Variants in FMN2 observed in about 807,000 individuals in gnomAD.
FMN2 encodes the protein formin 2, also known as formin-2.
A neutral mutation model predicts 142.3 loss-of-function variants in FMN2; 51 were observed. The ratio of observed to expected loss-of-function variants is 0.36; its 90% confidence interval spans 0.29 to 0.45. FMN2 has a LOEUF of 0.45. Among genes scored for constraint, FMN2 ranks in the 20% least tolerant of loss-of-function variants. The pLI, the probability that FMN2 is intolerant of heterozygous loss-of-function variation, is 1.00. For missense variants in FMN2, 1,936 were observed against 2,122.8 expected, an observed-to-expected ratio of 0.91 and a Z score of 1.73; for synonymous variants, 882 against 869.8, an observed-to-expected ratio of 1.01 and a Z score of -0.25.
At chr1:240,351,047 A>C (rs377652942) in intron 13 of FMN2, among the ~76,000 whole-genome samples, 2 of 152,170 alleles carry the variant, frequency 1.3e-5, no homozygotes, top group Non-Finnish European at 2.9e-5. Context: ...GTAAATGGAG[A>C]CTGTCTCATA....
At chr1:240,425,920 A>AT (rs1205245975) in intron 15 of FMN2, among the ~76,000 whole-genome samples, 2 of 152,224 alleles carry the variant, frequency 1.3e-5, no homozygotes. Flanking sequence ...TCCCTGATGA[A>AT]TAAGGGCAAA....
chr1:240,278,163 A>G (rs1669280407), intron 7 of FMN2, among the ~76,000 whole-genome samples: 1 of 152,172 alleles, frequency 6.6e-6, no homozygotes, highest in Non-Finnish European at 1.5e-5. Flanking sequence ...TTTCATAACT[A>G]TATAAACAGG....
intron 6 of FMN2, among the ~76,000 whole-genome samples, chr1:240,232,133 G>A (rs923577015): frequency 6.6e-6 from 1 of 151,582 alleles, no homozygotes; most frequent in African/African-American, 2.4e-5. Flanking sequence ...GCAATGATGC[G>A]ATCTCAGCTC....
At chr1:240,349,193 C>G (rs576085002) in intron 13 of FMN2, among the ~76,000 whole-genome samples, 30 of 152,320 alleles carry the variant, frequency 2.0e-4, no homozygotes, top group African/African-American at 7.0e-4. Context: ...AAGCATCTTG[C>G]TGCCTACATT....
In FMN2 at chr1:240,186,994, C is replaced by T. The variant is rs144794746; in HGVS notation, c.1931-1213C>T. Among the ~76,000 whole-genome samples, 502 of 151,744 alleles carry T rather than the reference C, an allele frequency of 3.3e-3. 3 individuals carry two copies. Among genetic ancestry groups the T allele is most frequent in the African/African-American group, 0.012 (480 of 41,352 alleles). On this transcript the variant is annotated intron_variant, in intron 3 of 17. Transcript: ENST00000319653. ...ATAAAGAGTGACTGCTGGCCGAGCA[C>T]GGTGGCTCATGCCTGTCATCCCAGC... is the stretch of plus-strand genomic sequence containing the variant.
At chr1:240,154,021 A>C (rs1224580242) in intron 2 of FMN2, among the ~76,000 whole-genome samples, 1 of 150,146 alleles carries the variant, frequency 6.7e-6, no homozygotes, top group Non-Finnish European at 1.5e-5. Flanking sequence ...GAGGCAGGAG[A>C]ATCTCTTGAA....
At chr1:240,265,221 A>G (rs1262839231) in intron 7 of FMN2, among the ~76,000 whole-genome samples, 2 of 152,218 alleles carry the variant, frequency 1.3e-5, no homozygotes, top group Non-Finnish European at 2.9e-5. Context: ...GTCATATAAT[A>G]CAAATTTTGC....
At chr1:240,173,138 G>T (rs979593486) in intron 2 of FMN2, among the ~76,000 whole-genome samples, 26 of 152,192 alleles carry the variant, frequency 1.7e-4, no homozygotes, top group African/African-American at 5.5e-4. Context: ...GTTTCAACAT[G>T]TTGGCCAGGC....
chr1:240,180,258 A>T lies in FMN2; in HGVS notation c.1930+2190A>T, dbSNP rs1665093995. 3.2e-6 allele frequency: 3 copies of T among 937,922 alleles called. No homozygotes were observed. In the African/African-American group the frequency reaches 5.2e-5, roughly 16 times the overall value. 58.1% of individuals were successfully genotyped at this position (937,922 alleles called of 1,614,324 possible). A position where few individuals can be genotyped will look rare whatever the true frequency, so the allele number is the denominator to read the frequency against. On this transcript the variant is annotated intron_variant, in intron 3 of 17. Transcript: ENST00000319653. ...CCCAGCAGTCATATAGCATTTTTTC[A>T]TCAGAGTGATCTAATGGGTCTTTCT...
At chr1:240,267,419 G>C (rs539661972) in intron 7 of FMN2, among the ~76,000 whole-genome samples, 3 of 152,180 alleles carry the variant, frequency 2.0e-5, no homozygotes, top group African/African-American at 7.2e-5. Context: ...TCACTTAAAA[G>C]TGGGAGCTTA....
In FMN2 at chr1:240,421,110, G is replaced by A. The variant is rs144033837; in HGVS notation, c.4911-16951G>A. Among the ~76,000 whole-genome samples the A allele has an allele frequency of 4.3e-3, 651 of 152,258 alleles. 2 individuals are homozygous for A. The highest frequency in any genetic ancestry group is 0.015 in the African/African-American group (605 of 41,540). ...GTCTTGTGTCTGTAGGATTGCACTT[G>A]TATCAGTATTCTTGCAGCTCACTCA... On this transcript the variant is annotated intron_variant, in intron 15 of 17. Transcript: ENST00000319653.
At chr1:240,433,570 T>C (rs987313956) in intron 15 of FMN2, among the ~76,000 whole-genome samples, 4 of 152,240 alleles carry the variant, frequency 2.6e-5, no homozygotes. Context: ...GGGTCAGTAC[T>C]AAGAGTTCAT....
At chr1:240,366,749 C>T (rs1672685251) in intron 14 of FMN2, among the ~76,000 whole-genome samples, 1 of 152,126 alleles carries the variant, frequency 6.6e-6, no homozygotes. Flanking sequence ...GGGGGTTTCT[C>T]CACGTTGGTC....
At chr1:240,416,599 TCTC>T (rs1235677863) in intron 15 of FMN2, among the ~76,000 whole-genome samples, 19 of 152,264 alleles carry the variant, frequency 1.2e-4, no homozygotes, top group African/African-American at 4.3e-4. Context: ...TAGCCAATCT[TCTC>T]CTCCTCATTC....
At position 240,388,178 on chromosome 1, in the gene FMN2, C is replaced by CAA. The variant is rs71170738; in HGVS notation, c.4859-4314_4859-4313dup. ...GGGCGACAGAGCAAGACTCCCATCTCAAAAAAAAAAAAAAAAAAAAGACTA... is the reference window on the plus strand; with the variant it reads ...GGGCGACAGAGCAAGACTCCCATCTCAAAAAAAAAAAAAAAAAAAAAAGACTA... On this transcript the variant is annotated intron_variant, in intron 14 of 17. Transcript: ENST00000319653. Among the ~76,000 whole-genome samples, 45 of 11,800 alleles carry CAA rather than the reference C, an allele frequency of 3.8e-3. 1 individual carries two copies. The highest frequency in any genetic ancestry group is 0.018 in the African/African-American group (36 of 1,958). 7.7% of individuals were successfully genotyped at this position (11,800 alleles called of 152,430 possible).
chr1:240,355,893 C>A lies in FMN2; in HGVS notation c.4843C>A (p.Gln1615Lys). ...GCAGCCTTTCAAGGAAAACATGGAA[C>A]AATTTATTATTCAAGGTAAATTCCA... Reference protein sequence around the residue: ...HMQPFKENMEQFIIQAKIDQE... With the variant: ...HMQPFKENMEKFIIQAKIDQE... Residue 1615 changes from glutamine (Q) to lysine (K), a missense_variant, in exon 14 of 18, where the codon CAA (glutamine) becomes AAA (lysine). By Grantham distance (53) the Gln-to-Lys change is moderately conservative. Coordinates refer to ENST00000319653, the MANE Select transcript of FMN2 (RefSeq NM_020066.5). 2 of 1,379,056 alleles carry A rather than the reference C, an allele frequency of 1.5e-6. No homozygotes were observed. The highest frequency in any genetic ancestry group is 2.3e-5 in the South Asian group (2 of 86,476). The allele number at this position is 1,379,056 out of a possible 1,614,324, so 85.4% of individuals were successfully genotyped here. A position where few individuals can be genotyped will look rare whatever the true frequency, so the allele number is the denominator to read the frequency against.
At chr1:240,318,782 A>C (rs966966173) in intron 8 of FMN2, among the ~76,000 whole-genome samples, 26 of 152,300 alleles carry the variant, frequency 1.7e-4, no homozygotes, top group African/African-American at 5.8e-4. Context: ...AGTTGAGTTG[A>C]GAGATGGCGG....
chr1:240,320,925 A>G (rs1670950158), intron 8 of FMN2, among the ~76,000 whole-genome samples: 1 of 152,190 alleles, frequency 6.6e-6, no homozygotes, highest in African/African-American at 2.4e-5. Context: ...CACCAAACTA[A>G]GTTGTTGCTG....
chr1:240,434,593 G>A (rs1177499897), intron 15 of FMN2, among the ~76,000 whole-genome samples: 3 of 147,882 alleles, frequency 2.0e-5, no homozygotes, highest in Non-Finnish European at 4.5e-5. Flanking sequence ...ATGGAGTCTC[G>A]CTCTGTCACC....
Sources: allele counts gnomAD v4.1 joint callset (sites outside exome capture counted in the v4.1 genomes callset), GRCh38; gene constraint gnomAD v4.1.1; transcripts MANE v1.5; gene names NCBI Gene and HGNC (gene_info 2026-07-23, HGNC 2026-07-21).